The following CDH19 variants were observed in gnomAD, a reference collection of about 807,000 sequenced individuals.
CDH19 encodes cadherin-19.
CDH19 carries 67 observed loss-of-function variants against 64.2 expected under a neutral mutation model. That is an observed-to-expected ratio of 1.04 (90% CI 0.86 to 1.28). The LOEUF is 1.28. Ranked by LOEUF, CDH19 falls within the 50% of genes most tolerant of loss-of-function variation. The pLI, the probability that CDH19 is intolerant of heterozygous loss-of-function variation, is 0.00. For synonymous variants in CDH19, 346 were observed against 319.3 expected, an observed-to-expected ratio of 1.08 and a Z score of -0.89; for missense variants, 1,030 against 929.0, an observed-to-expected ratio of 1.11 and a Z score of -1.41.
Position 66,544,202 on chromosome 18 carries a change from T to C in CDH19, c.983A>G (p.Asn328Ser), listed in dbSNP as rs374382704. The change falls in exon 7 of 12, where the codon AAC becomes AGC. Residue 328 changes from asparagine to serine, a missense_variant. Physicochemically the swap from Asn to Ser is conservative, Grantham distance 46 (BLOSUM62 1). Coordinates refer to ENST00000262150, the MANE Select transcript of CDH19 (RefSeq NM_021153.4). ...LKKKVDFEHQ[N>S]HYGIRAKVKN... ...AACTTTTGCTCTAATACCGTAGTGG[T>C]TCTGGTGCTCAAAATCCACTTTCTG... The C allele has an allele frequency of 6.2e-7, 1 of 1,613,104 alleles. No homozygotes were observed. The highest frequency in any genetic ancestry group is 1.7e-5 in the Admixed American group (1 of 59,874).
chr18:66,509,280 A>G (rs780042579), intron 10 of CDH19, 34 bp from the exon 11 acceptor site: 1 of 1,595,642 alleles, frequency 6.3e-7, no homozygotes, highest in Non-Finnish European at 8.6e-7. Context: ...AATTTTTTCA[A>G]CTACGTAAGA....
At chr18:66,525,456 C>T (rs889624010) in intron 9 of CDH19, among the ~76,000 whole-genome samples, 2 of 151,922 alleles carry the variant, frequency 1.3e-5, no homozygotes, top group Non-Finnish European at 2.9e-5. Context: ...TTTTTAGTGG[C>T]ACTTTGGGAG....
chr18:66,600,975 A>T (rs1393269864), intron 1 of CDH19, among the ~76,000 whole-genome samples: 1 of 151,876 alleles, frequency 6.6e-6, no homozygotes, highest in Non-Finnish European at 1.5e-5. Context: ...ATCAAATACT[A>T]TGGGGGAAGA....
At position 66,501,759 on chromosome 18, in the gene CDH19, G is replaced by A. The variant is rs1984952574; in HGVS notation, c.*3053C>T. On this transcript the variant is annotated 3_prime_UTR_variant, in exon 12 of 12. Coordinates refer to ENST00000262150, the MANE Select transcript of CDH19 (RefSeq NM_021153.4). ...ATTATTAATTCTTCATAACAACCAT[G>A]TGAAATAGGTTGATTGGACGTCATT... 2 of 152,094 alleles carry A rather than the reference G, an allele frequency of 1.3e-5. No homozygotes were observed. The highest frequency in any genetic ancestry group is 4.1e-4 in the South Asian group (2 of 4,828). The allele number at this position is 152,094 out of a possible 1,614,324, so 9.4% of individuals were successfully genotyped here.
intron 7 of CDH19, among the ~76,000 whole-genome samples, chr18:66,542,726 A>C (rs924644158): frequency 6.6e-6 from 1 of 151,986 alleles, no homozygotes; most frequent in Non-Finnish European, 1.5e-5. Flanking sequence ...AGCCAGCCTT[A>C]CTGTCTGAGC....
chr18:66,562,445 C>T (rs980676367), intron 3 of CDH19, among the ~76,000 whole-genome samples: 11 of 151,936 alleles, frequency 7.2e-5, no homozygotes, highest in East Asian at 3.9e-4. Context: ...TGACAGGAGG[C>T]GGAGCTCAGG....
At chr18:66,523,133 T>C (rs967978796) in intron 9 of CDH19, among the ~76,000 whole-genome samples, 1 of 152,148 alleles carries the variant, frequency 6.6e-6, no homozygotes, top group Non-Finnish European at 1.5e-5. Flanking sequence ...CTGTATTTTC[T>C]GCAATTCCTC....
At chr18:66,540,262 T>A (rs937684006) in intron 7 of CDH19, among the ~76,000 whole-genome samples, 2 of 152,182 alleles carry the variant, frequency 1.3e-5, no homozygotes, top group African/African-American at 4.8e-5. Flanking sequence ...TTGCTCTTTT[T>A]TTTCTAACAG....
rs188996661 is a variant in CDH19 at position 66,563,142 on chromosome 18, T to C, written c.490+5274A>G. On this transcript the variant is annotated intron_variant, in intron 3 of 11. Coordinates refer to ENST00000262150, the MANE Select transcript of CDH19 (RefSeq NM_021153.4). ...ATTTTCCTATGCAGACTAATTTAGA[T>C]ATTATGTAAGCAATAGAGAAATTAG... is the stretch of plus-strand genomic sequence containing the variant. Among the ~76,000 whole-genome samples, 147 of 152,188 alleles carry C rather than the reference T, an allele frequency of 9.7e-4. 1 individual carries two copies. The highest frequency in any genetic ancestry group is 3.5e-3 in the African/African-American group (145 of 41,568).
chr18:66,564,865 C>CTTT (rs34986036), intron 3 of CDH19, among the ~76,000 whole-genome samples: 1 of 144,534 alleles, frequency 6.9e-6, no homozygotes, highest in South Asian at 2.2e-4. Flanking sequence ...AATGCCCCTT[C>CTTT]TTTTTTTTTT....
intron 1 of CDH19, among the ~76,000 whole-genome samples, chr18:66,598,467 G>A (rs945732616): frequency 4.6e-5 from 7 of 151,976 alleles, no homozygotes; most frequent in Non-Finnish European, 7.4e-5. Context: ...GACATAATAA[G>A]GAAATCTGAC....
intron 10 of CDH19, among the ~76,000 whole-genome samples, chr18:66,511,255 G>A (rs1326855971): frequency 2.0e-5 from 3 of 151,680 alleles, no homozygotes; most frequent in Non-Finnish European, 4.4e-5. Flanking sequence ...TGAGTTAGAT[G>A]AGAACATGAA....
At chr18:66,583,301 T>C (rs1254411076) in intron 1 of CDH19, among the ~76,000 whole-genome samples, 1 of 152,122 alleles carries the variant, frequency 6.6e-6, no homozygotes, top group African/African-American at 2.4e-5. Context: ...TTTATAGGGT[T>C]CGTGTGAGAA....
chr18:66,591,941 C>G (rs185569320), intron 1 of CDH19, among the ~76,000 whole-genome samples: 17 of 151,966 alleles, frequency 1.1e-4, no homozygotes, highest in Admixed American at 2.6e-4. Flanking sequence ...GAACTACTTT[C>G]CACGAGGCAT....
chr18:66,541,262 G>C (rs2144473069), intron 7 of CDH19, among the ~76,000 whole-genome samples: 1 of 152,178 alleles, frequency 6.6e-6, no homozygotes, highest in African/African-American at 2.4e-5. Flanking sequence ...TGAATGAATT[G>C]GGGCTAATTT....
chr18:66,516,416 A>G (rs112769581), intron 9 of CDH19, among the ~76,000 whole-genome samples: 18 of 152,226 alleles, frequency 1.2e-4, no homozygotes, highest in African/African-American at 4.1e-4. Flanking sequence ...GTTATTTTAA[A>G]TGAGAAACAA....
At chr18:66,521,922 TTGTTGTTG>T (rs1568176678) in intron 9 of CDH19, among the ~76,000 whole-genome samples, 43 of 109,146 alleles carry the variant, frequency 3.9e-4, no homozygotes, top group South Asian at 2.3e-3. Flanking sequence ...TGTTCTGTTG[TTGTTGTTG>T]TTGTTGTTGT....
At chr18:66,550,429 C>T (rs1166330648) in intron 5 of CDH19, among the ~76,000 whole-genome samples, 1 of 152,090 alleles carries the variant, frequency 6.6e-6, no homozygotes, top group African/African-American at 2.4e-5. Flanking sequence ...CCAAATTCCC[C>T]TGAACGCATA....
intron 3 of CDH19, among the ~76,000 whole-genome samples, 153 bp downstream of exon 3, chr18:66,568,263 C>T (rs1041786221): frequency 6.6e-6 from 1 of 151,668 alleles, no homozygotes; most frequent in African/African-American, 2.4e-5. Flanking sequence ...AATTTTGATG[C>T]ATAGTCTAAT....
Sources: allele counts gnomAD v4.1 joint callset (sites outside exome capture counted in the v4.1 genomes callset), GRCh38; gene constraint gnomAD v4.1.1; transcripts MANE v1.5; gene names NCBI Gene and HGNC (gene_info 2026-07-23, HGNC 2026-07-21).